Variants in KMT2D observed in about 807,000 individuals in gnomAD.
KMT2D encodes histone-lysine N-methyltransferase 2D.
In KMT2D, 55 loss-of-function variants were observed where a neutral mutation model predicts 512.7. That is an observed-to-expected ratio of 0.11 (90% CI 0.09 to 0.13). The LOEUF is 0.13. Among genes scored for constraint, KMT2D ranks in the 10% least tolerant of loss-of-function variants. The pLI, the probability that KMT2D is intolerant of heterozygous loss-of-function variation, is 1.00. For missense variants in KMT2D, 6,061 were observed against 7,127.9 expected (o/e 0.85, Z 5.39); for synonymous variants, 2,995 against 2,904.0 (o/e 1.03, Z -1.01).
Position 49,039,872 on chromosome 12 carries a change from G to A in KMT2D, c.7898C>T (p.Ser2633Leu), listed in dbSNP as rs781219955. The change falls in exon 32 of 55, where the codon TCA (serine) becomes TTA (leucine). Residue 2633 changes from serine to leucine, a missense_variant. Ser to Leu is a moderately radical substitution (Grantham distance 145, BLOSUM62 -2). This residue lies in a region of KMT2D where 527 missense variants were observed against 578.9 expected (regional missense o/e 0.91). Coordinates refer to ENST00000301067, the MANE Select transcript of KMT2D (RefSeq NM_003482.4). The surrounding 1 kb of genome is among the most constrained non-coding windows in gnomAD (Gnocchi z 5.0). ...AGGAGAGGTGATGCCTGATCGCTGT[G>A]AGGCTCCATGGGACAGGTAGGGGAG... is the stretch of plus-strand genomic sequence containing the variant. ...GSLPYLSHGA[S>L]QRSGITSPVE... 1.2e-6 allele frequency: 2 copies of A among 1,614,068 alleles called. No individual in the cohort carries two copies. The highest frequency in any genetic ancestry group is 3.3e-5 in the Admixed American group (2 of 60,032).
Position 49,044,845 on chromosome 12 carries a change from G to A in KMT2D, c.4862C>T (p.Pro1621Leu). 6 of 1,614,086 alleles carry A rather than the reference G, an allele frequency of 3.7e-6. No individual in the cohort carries two copies. Among genetic ancestry groups the A allele is most frequent in the Non-Finnish European group, 5.1e-6 (6 of 1,179,912 alleles). ...RRQRRGRLGL[P>L]GEAGLEGSEP... ...AGAACCCTCCAATCCTGCCTCGCCT[G>A]GGAGGCCAAGCCGTCCTCGCCGTTG... The change falls in exon 20 of 55, where the codon CCA becomes CTA. Residue 1621 changes from proline (P) to leucine (L), a missense_variant. Transcript: ENST00000301067. The surrounding 1 kb of genome is among the most constrained non-coding windows in gnomAD (Gnocchi z 6.4).
rs1366289284 is a variant in KMT2D at position 49,037,148 on chromosome 12, G to A, written c.10208C>T (p.Ala3403Val). 6.3e-7 allele frequency: 1 copy of A among 1,580,674 alleles called. No individual in the cohort carries two copies. The highest frequency in any genetic ancestry group is 1.1e-5 in the South Asian group (1 of 87,388). The change falls in exon 35 of 55, where the codon GCA becomes GTA. Residue 3403 changes from alanine to valine, a missense_variant. Physicochemically the swap from Ala to Val is moderately conservative, Grantham distance 64. Around this residue, in one of 16 missense-constraint regions of KMT2D, gnomAD observed 533 missense variants for 539.6 expected, o/e 0.99. Coordinates refer to ENST00000301067, the MANE Select transcript of KMT2D (RefSeq NM_003482.4). ...PQQLAMQQQL[A>V]NSFFPDTDLD... ...ACCTGTATCTGGGAAGAAGCTGTTT[G>A]CCAGCTGCTGCTGCATTGCCAATTG... is the stretch of plus-strand genomic sequence containing the variant.
At position 49,032,278 on chromosome 12, in the gene KMT2D, C is replaced by A; in HGVS notation, c.12427G>T (p.Asp4143Tyr). The A allele has an allele frequency of 6.2e-7, 1 of 1,613,918 alleles. No homozygotes were observed. Among genetic ancestry groups the A allele is most frequent in the South Asian group, 1.1e-5 (1 of 91,082 alleles). ...TTCTGGGTCATGGACCCAGGCTGAT[C>A]CCCTAAGGAAACAGAGGGCTGAGCC... ...LLAQPSVSLG[D>Y]QPGSMTQNLL... The change falls in exon 40 of 55, where the codon GAT becomes TAT. Residue 4143 changes from aspartate (D) to tyrosine (Y), a missense_variant. Coordinates refer to ENST00000301067, the MANE Select transcript of KMT2D (RefSeq NM_003482.4).
Position 49,051,271 on chromosome 12 carries a change from C to T in KMT2D, c.2412G>A (p.Leu804=). 6.5e-7 allele frequency: 1 copy of T among 1,541,116 alleles called. No individual in the cohort carries two copies. Among genetic ancestry groups the T allele is most frequent in the Non-Finnish European group, 8.7e-7 (1 of 1,143,590 alleles). Reference sequence around the variant, plus strand: ...GCTCCTCAGTCTGGGGGGACAGGTGCAATTCCTCAGGCTGAGGGGACAGAT... The same window carrying T: ...GCTCCTCAGTCTGGGGGGACAGGTGTAATTCCTCAGGCTGAGGGGACAGAT... ...GPHLSPQPEE[L]HLSPQTEEPH... is the part of the protein sequence containing the mutation. The change falls in exon 11 of 55, where the codon TTG becomes TTA. Residue 804 remains leucine (L), a synonymous_variant. Transcript: ENST00000301067.
rs886049465 is a variant in KMT2D, at chr12:49,020,754, C to A, written c.*1026G>T. 23 of 208,578 alleles carry A rather than the reference C, an allele frequency of 1.1e-4. No homozygotes were observed. The highest frequency in any genetic ancestry group is 6.9e-5 in the Non-Finnish European group (7 of 102,116). 12.9% of individuals were successfully genotyped at this position (208,578 alleles called of 1,614,324 possible). A position where few individuals can be genotyped will look rare whatever the true frequency, so the allele number is the denominator to read the frequency against. ...TCACCCTACCCCCCACCCAACCCGT[C>A]CAGGGGCTGGAGGGCAAACAGGCTC... On this transcript the variant is annotated 3_prime_UTR_variant, in exon 55 of 55. Transcript: ENST00000301067.
chr12:49,027,664 A>G (rs1448160603), intron 48 of KMT2D, 139 bp downstream of exon 48: 2 of 1,081,192 alleles, frequency 1.8e-6, no homozygotes, highest in Non-Finnish European at 2.7e-6. Flanking sequence ...CATGTTGGCC[A>G]GGCTGGTCTC....
At position 49,026,545 on chromosome 12, in the gene KMT2D, G is replaced by T; in HGVS notation, c.15421C>A (p.Pro5141Thr). 1 of 1,613,956 alleles carries T rather than the reference G, an allele frequency of 6.2e-7. No individual in the cohort carries two copies. ...AAAGAGCTCAGCTCTTGCTCACAGG[G>T]CCCCTTGATCTTATGCATTGGACAC... ...MLCPMHKIKG[P>T]CEQELSSFAV... is the part of the protein sequence containing the mutation. Residue 5141 changes from proline to threonine, a missense_variant, in exon 49 of 55, where the codon CCC (proline) becomes ACC (threonine). Pro to Thr is a conservative substitution (Grantham distance 38). Around this residue, in one of 16 missense-constraint regions of KMT2D, gnomAD observed 261 missense variants for 440.7 expected, o/e 0.59. Transcript: ENST00000301067. This position sits in a 1 kb window ranked among gnomAD's most constrained non-coding sequence, Gnocchi z 9.6.
In KMT2D at chr12:49,043,676, T is replaced by A. The variant is rs2120571755; in HGVS notation, c.5426A>T (p.Asp1809Val). Residue 1809 changes from aspartate (D) to valine (V), a missense_variant, in exon 24 of 55, where the codon GAT (aspartate) becomes GTT (valine). Around this residue, in one of 16 missense-constraint regions of KMT2D, gnomAD observed 640 missense variants for 814.3 expected, o/e 0.79. Transcript: ENST00000301067. ...GAGTTCCTTCCTTTCTGAGCCTCCA[T>A]CTCCCTTGGCTTTTGGGGTCCCTAG... ...FGLGTPKAKG[D>V]GGSERKELPT... 1 of 1,613,986 alleles carries A rather than the reference T, an allele frequency of 6.2e-7. No homozygotes were observed. The highest frequency in any genetic ancestry group is 8.5e-7 in the Non-Finnish European group (1 of 1,179,876).
In KMT2D at chr12:49,050,402, C is replaced by T. The variant is rs2120650146; in HGVS notation, c.3186G>A (p.Val1062=). The T allele has an allele frequency of 6.2e-7, 1 of 1,613,730 alleles. No homozygotes were observed. The highest frequency in any genetic ancestry group is 8.5e-7 in the Non-Finnish European group (1 of 1,179,782). Residue 1062 remains valine, a synonymous_variant, in exon 12 of 55, where the codon GTG becomes GTA. Coordinates refer to ENST00000301067, the MANE Select transcript of KMT2D (RefSeq NM_003482.4). ...GCAGCTCAGCCTCATCTGAGACCCC[C>T]ACTACCTTCCCTATGGGACTCAACG... ...PSPLSPIGKV[V]GVSDEAELHE...
In KMT2D at chr12:49,024,029, G is replaced by A. The variant is rs547879342; in HGVS notation, c.16052+549C>T. 36 of 452,650 alleles carry A rather than the reference G, an allele frequency of 8.0e-5. No homozygotes were observed. Among genetic ancestry groups the A allele is most frequent in the Non-Finnish European group, 9.3e-5 (21 of 225,996 alleles). The allele number at this position is 452,650 out of a possible 1,614,324, so 28.0% of individuals were successfully genotyped here. On this transcript the variant is annotated intron_variant, in intron 51 of 54. Coordinates refer to ENST00000301067, the MANE Select transcript of KMT2D (RefSeq NM_003482.4). The surrounding 1 kb of genome is among the most constrained non-coding windows in gnomAD (Gnocchi z 4.5). ...TCAGTTTTCTCAGCTGTAAAATGGG[G>A]GTCATACCACCTGCCCTACCTACCT...
At position 49,041,592 on chromosome 12, in the gene KMT2D, C is replaced by A. The variant is rs2120549284; in HGVS notation, c.6235-57G>T. The A allele has an allele frequency of 6.2e-7, 1 of 1,612,692 alleles. No individual in the cohort carries two copies. Among genetic ancestry groups the A allele is most frequent in the Non-Finnish European group, 8.5e-7 (1 of 1,179,218 alleles). On this transcript the variant is annotated intron_variant, in intron 31 of 54. Coordinates refer to ENST00000301067, the MANE Select transcript of KMT2D (RefSeq NM_003482.4). The surrounding 1 kb of genome is among the most constrained non-coding windows in gnomAD (Gnocchi z 5.4). Reference sequence around the variant, plus strand: ...GGCTGCTGCAGGCAGGCCCCATGGCCCTCCACCCTCAAGAGAGGCCACCCA... The same window carrying A: ...GGCTGCTGCAGGCAGGCCCCATGGCACTCCACCCTCAAGAGAGGCCACCCA...
chr12:49,026,915 G>A lies in KMT2D; in HGVS notation c.15051C>T (p.Gly5017=), dbSNP rs1242731561. The change falls in exon 49 of 55, where the codon GGC becomes GGT. Residue 5017 remains glycine, a synonymous_variant. Transcript: ENST00000301067. The surrounding 1 kb of genome is among the most constrained non-coding windows in gnomAD (Gnocchi z 9.6). ...REVAEFMEQL[G]TALRPDKVPR... ...GTACCTTGTCAGGTCGCAAGGCTGT[G>A]CCAAGCTGCTCCATAAACTCTGCCA... 2.4e-5 allele frequency: 38 copies of A among 1,613,898 alleles called. No individual in the cohort carries two copies. Among genetic ancestry groups the A allele is most frequent in the Non-Finnish European group, 2.7e-5 (32 of 1,179,912 alleles).
chr12:49,019,306 G>C lies in KMT2D; in HGVS notation c.*2474C>G, dbSNP rs1184976062. ...GGAGGTGAGGGGAGAAGACTGTAAAGGGGAAAACTGAAAACTGAGTATGTG... is the reference window on the plus strand; with the variant it reads ...GGAGGTGAGGGGAGAAGACTGTAAACGGGAAAACTGAAAACTGAGTATGTG... On this transcript the variant is annotated 3_prime_UTR_variant, in exon 55 of 55. Coordinates refer to ENST00000301067, the MANE Select transcript of KMT2D (RefSeq NM_003482.4). The C allele has an allele frequency of 8.8e-6, 3 of 342,280 alleles. No individual in the cohort carries two copies. The highest frequency in any genetic ancestry group is 1.3e-5 in the Non-Finnish European group (3 of 235,804). 21.2% of individuals were successfully genotyped at this position (342,280 alleles called of 1,614,324 possible). A position where few individuals can be genotyped will look rare whatever the true frequency, so the allele number is the denominator to read the frequency against.
chr12:49,044,634 G>A lies in KMT2D; in HGVS notation c.4963+110C>T. On this transcript the variant is annotated intron_variant, in intron 20 of 54. Transcript: ENST00000301067. This position sits in a 1 kb window ranked among gnomAD's most constrained non-coding sequence, Gnocchi z 6.4. ...CCTTGCCTCAGAGCCACTTAGACGA[G>A]ACAGCAGTGCTTAAGGGTAACTGAG... 1.3e-6 allele frequency: 2 copies of A among 1,552,304 alleles called. No homozygotes were observed. The highest frequency in any genetic ancestry group is 1.8e-6 in the Non-Finnish European group (2 of 1,140,526).
Position 49,037,485 on chromosome 12 carries a change from G to A in KMT2D, c.9871C>T (p.Pro3291Ser), listed in dbSNP as rs1400320160. Residue 3291 changes from proline to serine, a missense_variant, in exon 35 of 55, where the codon CCT (proline) becomes TCT (serine). Pro to Ser is a moderately conservative substitution (Grantham distance 74). Transcript: ENST00000301067. ...QQHSLLSAPG[P>S]AQAMSLPHEG... ...TGTGGCAAAGACATGGCCTGGGCAG[G>A]GCCTGGTGCAGACAGTAGGGAATGC... 6.4e-7 allele frequency: 1 copy of A among 1,560,844 alleles called. No individual in the cohort carries two copies. The highest frequency in any genetic ancestry group is 8.7e-7 in the Non-Finnish European group (1 of 1,152,432).
At position 49,050,404 on chromosome 12, in the gene KMT2D, C is replaced by G. The variant is rs1162373573; in HGVS notation, c.3184G>C (p.Val1062Leu). The G allele has an allele frequency of 6.2e-7, 1 of 1,613,744 alleles. No individual in the cohort carries two copies. The highest frequency in any genetic ancestry group is 1.6e-4 in the Middle Eastern group (1 of 6,062). The part of the protein sequence containing the change: ...PSPLSPIGKV[V>L]GVSDEAELHE... ...AGCTCAGCCTCATCTGAGACCCCCA[C>G]TACCTTCCCTATGGGACTCAACGGG... Residue 1062 changes from valine (V) to leucine (L), a missense_variant, in exon 12 of 55, where the codon GTG becomes CTG. Physicochemically the swap from Val to Leu is conservative, Grantham distance 32. Coordinates refer to ENST00000301067, the MANE Select transcript of KMT2D (RefSeq NM_003482.4).
chr12:49,048,518 C>T (rs1214883915), intron 14 of KMT2D, 141 bp downstream of exon 14: 1 of 628,980 alleles, frequency 1.6e-6, no homozygotes, highest in African/African-American at 1.8e-5. Flanking sequence ...ATGGACAAAC[C>T]AATGAATAAC....
chr12:49,030,398 G>T lies in KMT2D; in HGVS notation c.13881C>A (p.Pro4627=). The T allele has an allele frequency of 6.4e-7, 1 of 1,556,980 alleles. No individual in the cohort carries two copies. Among genetic ancestry groups the T allele is most frequent in the Non-Finnish European group, 8.7e-7 (1 of 1,144,892 alleles). Residue 4627 remains proline, a synonymous_variant, in exon 43 of 55, where the codon CCC becomes CCA. Coordinates refer to ENST00000301067, the MANE Select transcript of KMT2D (RefSeq NM_003482.4). The part of the protein sequence containing the change: ...SNPPTPPSSL[P]PTPPPSVQQK... Reference sequence around the variant, plus strand: ...GCTGCACCGATGGGGGTGGGGTGGGGGGCAGCGACGAGGGTGGTGTCGGCG... The same window carrying T: ...GCTGCACCGATGGGGGTGGGGTGGGTGGCAGCGACGAGGGTGGTGTCGGCG...
Position 49,054,346 on chromosome 12 carries a change from T to G in KMT2D, c.471A>C (p.Leu157=), listed in dbSNP as rs767818678. The change falls in exon 5 of 55, where the codon CTA becomes CTC. Residue 157 remains leucine (L), a synonymous_variant. Transcript: ENST00000301067. This position sits in a 1 kb window ranked among gnomAD's most constrained non-coding sequence, Gnocchi z 6.4. The stretch of plus-strand genomic sequence containing the variant: ...AGAAGATGGCCTTGTCCACACCACA[T>G]AGTTCTGGGCCCTCCTGCCCCCATA... ...AGVWGQEGPE[L]CGVDKAIFSG... 3 of 1,597,528 alleles carry G rather than the reference T, an allele frequency of 1.9e-6. No individual in the cohort carries two copies. The South Asian group carries it at 3.4e-5, about 18-fold the overall frequency.
Sources: gnomAD v4.1 joint callset for allele counts on GRCh38, gnomAD v4.1.1 for gene constraint, gnomAD v4.1.1 regional missense constraint, Gnocchi (gnomAD v3.1) non-coding constraint, MANE v1.5 for transcripts, NCBI Gene and HGNC (gene_info 2026-07-23, HGNC 2026-07-21) for gene names.